Variants in GLI4 observed in about 807,000 individuals in gnomAD.
GLI4 encodes zinc finger protein GLI4.
A neutral mutation model predicts 30.9 loss-of-function variants in GLI4; 34 were observed. That is an observed-to-expected ratio of 1.10 (90% CI 0.84 to 1.47). The LOEUF is 1.47. GLI4 is among the 40% of genes most tolerant of loss of function. The pLI, the probability that GLI4 is intolerant of heterozygous loss-of-function variation, is 0.00. For synonymous variants in GLI4, 277 were observed against 236.7 expected, an observed-to-expected ratio of 1.17 and a Z score of -1.56; for missense variants, 696 against 538.9, an observed-to-expected ratio of 1.29 and a Z score of -2.89.
rs1016921869 is a variant in GLI4, at chr8:143,267,475, C to A, written c.-47C>A. On this transcript the variant is annotated 5_prime_UTR_variant, in exon 1 of 4. Transcript: ENST00000340042. ...CGTCCGGCGCGCGGCGTCCTCCTCC[C>A]GCTCGGAAGGTGAGTGGGCGCGGGC... The A allele has an allele frequency of 5.7e-5, 56 of 985,756 alleles. No individual in the cohort carries two copies. Among genetic ancestry groups the A allele is most frequent in the Non-Finnish European group, 5.7e-5 (47 of 830,270 alleles). The allele number at this position is 985,756 out of a possible 1,614,324, so 61.1% of individuals were successfully genotyped here. A position where few individuals can be genotyped will look rare whatever the true frequency, so the allele number is the denominator to read the frequency against.
rs764910432 is a variant in GLI4 at position 143,276,028 on chromosome 8, C to A, written c.355C>A (p.Pro119Thr). ...GGCCCGGTGCAGCGCCGGCTTCGGG[C>A]CTGAATCCAGCGCGGAGCGGCCGGC... ...RRARCSAGFG[P>T]ESSAERPAGQ... Residue 119 changes from proline (P) to threonine (T), a missense_variant, in exon 4 of 4, where the codon CCT (proline) becomes ACT (threonine). By Grantham distance (38) the Pro-to-Thr change is conservative (BLOSUM62 -1). Transcript: ENST00000340042. The A allele has an allele frequency of 7.1e-7, 1 of 1,400,082 alleles. No homozygotes were observed. The highest frequency in any genetic ancestry group is 1.6e-5 in the South Asian group (1 of 63,292). The allele number at this position is 1,400,082 out of a possible 1,614,324, so 86.7% of individuals were successfully genotyped here.
chr8:143,267,740 G>A (rs4977221), intron 1 of GLI4: 2 of 985,362 alleles, frequency 2.0e-6, no homozygotes, highest in Non-Finnish European at 2.4e-6. Flanking sequence ...CCTTTCCCAG[G>A]CACCCAGTGA....
rs769103558 is a variant in GLI4, at chr8:143,276,558, C to T, written c.885C>T (p.Tyr295=). 22 of 1,612,388 alleles carry T rather than the reference C, an allele frequency of 1.4e-5. No homozygotes were observed. In the Admixed American group the frequency reaches 1.5e-4, roughly 11 times the overall value. ...GGCTGCACACGGGTGAGAAGCCCTA[C>T]GCCTGCAGCCAGTGCGGCAAGGCCT... is the stretch of plus-strand genomic sequence containing the variant. The part of the protein sequence containing the change: ...HQRLHTGEKP[Y]ACSQCGKAFI... Residue 295 remains tyrosine, a synonymous_variant, in exon 4 of 4, where the codon TAC becomes TAT. Coordinates refer to ENST00000340042, the MANE Select transcript of GLI4 (RefSeq NM_138465.4).
intron 3 of GLI4, chr8:143,275,469 C>G (rs1815363033): frequency 7.4e-7 from 1 of 1,357,944 alleles, no homozygotes; most frequent in African/African-American, 1.5e-5. Flanking sequence ...CTGGGGCAGC[C>G]CCATGAGGAG....
At chr8:143,275,863 G>A (rs1815372646) in intron 3 of GLI4, 34 bp from the exon 4 acceptor site, 3 of 1,262,628 alleles carry the variant, frequency 2.4e-6, no homozygotes, top group Non-Finnish European at 3.0e-6. Context: ...GGGGGCATGC[G>A]GGTACTATCC....
Position 143,267,502 on chromosome 8 carries a change from G to A in GLI4, c.-38+18G>A. ...CTCGGAAGGTGAGTGGGCGCGGGCG[G>A]CGGCGGCGGCTCCGGGTGCCTGGGA... On this transcript the variant is annotated intron_variant, in intron 1 of 3. Transcript: ENST00000340042. 1 of 986,418 alleles carries A rather than the reference G, an allele frequency of 1.0e-6. No homozygotes were observed. Among genetic ancestry groups the A allele is most frequent in the Non-Finnish European group, 1.2e-6 (1 of 830,636 alleles). 61.1% of individuals were successfully genotyped at this position (986,418 alleles called of 1,614,324 possible). A position where few individuals can be genotyped will look rare whatever the true frequency, so the allele number is the denominator to read the frequency against.
Position 143,276,263 on chromosome 8 carries a change from T to A in GLI4, c.590T>A (p.Leu197Gln), listed in dbSNP as rs201418121. 2.1e-5 allele frequency: 34 copies of A among 1,611,988 alleles called. No homozygotes were observed. The highest frequency in any genetic ancestry group is 1.6e-4 in the Middle Eastern group (1 of 6,082). Residue 197 changes from leucine (L) to glutamine (Q), a missense_variant, in exon 4 of 4, where the codon CTG (leucine) becomes CAG (glutamine). Physicochemically the swap from Leu to Gln is moderately radical, Grantham distance 113. Transcript: ENST00000340042. Reference sequence around the variant, plus strand: ...GGCAAGAGTTTCAAGTATAACTCGCTGCTCCTGAAGCACCAGCGCATCCAC... The same window carrying A: ...GGCAAGAGTTTCAAGTATAACTCGCAGCTCCTGAAGCACCAGCGCATCCAC... ...ACGKSFKYNSLLLKHQRIHTG... is the reference protein window; with the variant it reads ...ACGKSFKYNSQLLKHQRIHTG...
intron 2 of GLI4, among the ~76,000 whole-genome samples, chr8:143,272,225 G>A (rs970456127): frequency 1.3e-5 from 2 of 152,146 alleles, no homozygotes; most frequent in Non-Finnish European, 2.9e-5. Context: ...GCCACCCCGC[G>A]ACAGGCACAG....
Position 143,276,741 on chromosome 8 carries a change from C to T in GLI4, c.1068C>T (p.Cys356=). 4 of 1,608,062 alleles carry T rather than the reference C, an allele frequency of 2.5e-6. No homozygotes were observed. Among genetic ancestry groups the T allele is most frequent in the Non-Finnish European group, 2.5e-6 (3 of 1,177,852 alleles). The change falls in exon 4 of 4, where the codon TGC becomes TGT. Residue 356 remains cysteine, a synonymous_variant. Transcript: ENST00000340042. ...AGAAGCCCTTCGCGTGTGGCGCCTG[C>T]GGCAAGGCCTTCGGCCAGAGCTCCC... The part of the protein sequence containing the change: ...TGEKPFACGA[C]GKAFGQSSQL...
At chr8:143,268,859 C>CTGCTGCTGCTGCTGCTGCTGTTGCTGT (rs35422165) in intron 1 of GLI4, among the ~76,000 whole-genome samples, 1 of 149,384 alleles carries the variant, frequency 6.7e-6, no homozygotes, top group South Asian at 2.2e-4. Flanking sequence ...GCTGCTGCTG[C>CTGCTGCTGCTGCTGCTGCTGTTGCTGT]TGTTGTTTGA....
At chr8:143,275,377 A>C in intron 3 of GLI4, 1 of 1,402,718 alleles carries the variant, frequency 7.1e-7, no homozygotes, top group South Asian at 1.7e-5. Context: ...GTCCCTGGAA[A>C]GAGACCCTGG....
intron 2 of GLI4, among the ~76,000 whole-genome samples, chr8:143,272,013 G>A (rs1815279214): frequency 1.3e-5 from 2 of 152,344 alleles, no homozygotes; most frequent in Middle Eastern, 3.4e-3. Context: ...CAGGGATTGT[G>A]TTGTGCCCCA....
In GLI4 at chr8:143,276,629, G is replaced by A. The variant is rs1815395031; in HGVS notation, c.956G>A (p.Gly319Asp). The A allele has an allele frequency of 6.2e-7, 1 of 1,612,470 alleles. No homozygotes were observed. The highest frequency in any genetic ancestry group is 1.3e-5 in the African/African-American group (1 of 74,784). ...VLIEHQRIHTGEKPYECSDCG... is the reference protein window; with the variant it reads ...VLIEHQRIHTDEKPYECSDCG... The stretch of plus-strand genomic sequence containing the variant: ...ATCGAGCACCAGCGCATCCACACTG[G>A]CGAGAAGCCCTACGAGTGCTCCGAC... The change falls in exon 4 of 4, where the codon GGC becomes GAC. Residue 319 changes from glycine (G) to aspartate (D), a missense_variant. Coordinates refer to ENST00000340042, the MANE Select transcript of GLI4 (RefSeq NM_138465.4).
intron 2 of GLI4, among the ~76,000 whole-genome samples, chr8:143,271,845 T>C (rs938850857): frequency 2.6e-5 from 4 of 152,190 alleles, no homozygotes; most frequent in African/African-American, 7.2e-5. Flanking sequence ...AGCAAAGGAC[T>C]TGGGGCCATG....
chr8:143,274,366 A>C (rs1315006984), intron 2 of GLI4: 1 of 198,228 alleles, frequency 5.0e-6, no homozygotes, highest in African/African-American at 2.3e-5. Flanking sequence ...TGGGGCATGG[A>C]GGAGGGTGGG....
rs747286173 is a variant in GLI4 at position 143,276,822 on chromosome 8, G to A, written c.*18G>A. ...GCGAGTAGCCGGGCGGGGGCTCGGG[G>A]CTCGGCCTCCTACCTGCCCCCAACC... On this transcript the variant is annotated 3_prime_UTR_variant, in exon 4 of 4. Coordinates refer to ENST00000340042, the MANE Select transcript of GLI4 (RefSeq NM_138465.4). 1.3e-6 allele frequency: 2 copies of A among 1,491,850 alleles called. No individual in the cohort carries two copies. Among genetic ancestry groups the A allele is most frequent in the African/African-American group, 1.4e-5 (1 of 72,540 alleles). The allele number at this position is 1,491,850 out of a possible 1,614,324, so 92.4% of individuals were successfully genotyped here. A position where few individuals can be genotyped will look rare whatever the true frequency, so the allele number is the denominator to read the frequency against.
In GLI4 at chr8:143,276,665, C is replaced by G; in HGVS notation, c.992C>G (p.Ala331Gly). ...TACGAGTGCTCCGACTGCGGCAAAG[C>G]CTTCCGCGGCCGCTCGCACTTCTTC... ...KPYECSDCGKAFRGRSHFFRH... is the reference protein window; with the variant it reads ...KPYECSDCGKGFRGRSHFFRH... Residue 331 changes from alanine (A) to glycine (G), a missense_variant, in exon 4 of 4, where the codon GCC (alanine) becomes GGC (glycine). Transcript: ENST00000340042. The G allele has an allele frequency of 6.2e-7, 1 of 1,611,280 alleles. No individual in the cohort carries two copies. The highest frequency in any genetic ancestry group is 8.5e-7 in the Non-Finnish European group (1 of 1,179,250).
rs1486414666 is a variant in GLI4, at chr8:143,276,329, G to A, written c.656G>A (p.Arg219His). 7.0e-6 allele frequency: 11 copies of A among 1,577,618 alleles called. No individual in the cohort carries two copies. In the Admixed American group the frequency reaches 1.5e-4, roughly 21 times the overall value. ...TACGCCTGCCACGAGTGCGGCAAGC[G>A]CTTCCGCGGCTGGTCGGGCTTCATC... ...KPYACHECGK[R>H]FRGWSGFIQH... The change falls in exon 4 of 4, where the codon CGC (arginine) becomes CAC (histidine). Residue 219 changes from arginine to histidine, a missense_variant. Arg to His is a conservative substitution (Grantham distance 29, BLOSUM62 0). Transcript: ENST00000340042.
At chr8:143,274,152 G>GA (rs1380713379) in intron 2 of GLI4, among the ~76,000 whole-genome samples, 2 of 152,194 alleles carry the variant, frequency 1.3e-5, no homozygotes, top group African/African-American at 4.8e-5. Context: ...CTCAGGCTCT[G>GA]CCTGAGGAAG....
Sources: gnomAD v4.1 joint callset for allele counts (sites outside exome capture counted in the v4.1 genomes callset) on GRCh38, gnomAD v4.1.1 for gene constraint, MANE v1.5 for transcripts, NCBI Gene and HGNC (gene_info 2026-07-23, HGNC 2026-07-21) for gene names.